The following KLHL25 variants were observed in gnomAD, a reference collection of about 807,000 sequenced individuals.
KLHL25 encodes the protein kelch-like protein 25.
A neutral mutation model predicts 30.0 loss-of-function variants in KLHL25; 41 were observed. The observed-to-expected ratio is 1.37, with a 90% CI of 1.07 to 1.78. The LOEUF (loss-of-function observed/expected upper bound fraction) is 1.78, where lower values mean the gene tolerates loss of function less well. Ranked by LOEUF, KLHL25 falls within the 40% of genes most tolerant of loss-of-function variation. The pLI, the probability that KLHL25 is intolerant of heterozygous loss-of-function variation, is 0.00. For synonymous variants in KLHL25, 399 were observed against 355.3 expected, an observed-to-expected ratio of 1.12 and a Z score of -1.38; for missense variants, 971 against 824.5, an observed-to-expected ratio of 1.18 and a Z score of -2.18.
chr15:85,761,463 T>C (rs971977101), intron 2 of KLHL25: 1 of 152,292 alleles, frequency 6.6e-6, no homozygotes, highest in Admixed American at 6.5e-5. Flanking sequence ...TGGAGCTAGG[T>C]TGCTCTTTTC....
intron 1 of KLHL25, among the ~76,000 whole-genome samples, chr15:85,776,605 T>G (rs562370560): frequency 6.6e-6 from 1 of 152,108 alleles, no homozygotes; most frequent in African/African-American, 2.4e-5. Flanking sequence ...ATTTATTTAG[T>G]TTGGTTTTGT....
At chr15:85,767,465 C>T (rs891890556) in intron 2 of KLHL25, among the ~76,000 whole-genome samples, 1 of 152,218 alleles carries the variant, frequency 6.6e-6, no homozygotes, top group African/African-American at 2.4e-5. Context: ...GTCCTGACTC[C>T]ATGGGGAGGG....
chr15:85,782,153 C>A (rs1375250580), intron 1 of KLHL25, among the ~76,000 whole-genome samples: 1 of 152,116 alleles, frequency 6.6e-6, no homozygotes, highest in African/African-American at 2.4e-5. Context: ...GTTGATAATT[C>A]TCGGTCTCTT....
rs904092334 is a variant in KLHL25, at chr15:85,774,662, A to G, written c.-10-4842T>C. ...TAACCCCTTCCCACCCGCCTCCACT[A>G]ACCAAGAGTTAGCAAGGCTCAAAAC... On this transcript the variant is annotated intron_variant, in intron 1 of 2. Transcript: ENST00000337975. Among the ~76,000 whole-genome samples, 7 of 152,026 alleles carry G rather than the reference A, an allele frequency of 4.6e-5. No homozygotes were observed. In the East Asian group the frequency reaches 1.4e-3, roughly 29 times the overall value.
intron 1 of KLHL25, among the ~76,000 whole-genome samples, chr15:85,784,669 C>T (rs944470238): frequency 3.3e-5 from 5 of 152,280 alleles, no homozygotes; most frequent in East Asian, 3.9e-4. Context: ...GACTAGAACC[C>T]GGCTGCAGCC....
chr15:85,768,189 T>G lies in KLHL25; in HGVS notation c.1622A>C (p.Tyr541Ser). The change falls in exon 2 of 3, where the codon TAT (tyrosine) becomes TCT (serine). Residue 541 changes from tyrosine (Y) to serine (S), a missense_variant. Tyr to Ser is a moderately radical substitution (Grantham distance 144). Coordinates refer to ENST00000337975, the MANE Select transcript of KLHL25 (RefSeq NM_022480.4). ...CHALASGNKL[Y>S]VVGGYFGTQR... ...GGTCCCAAAGTAGCCCCCGACCACATAGAGCTTGTTGCCGGAAGCCAGGGC... is the reference window on the plus strand; with the variant it reads ...GGTCCCAAAGTAGCCCCCGACCACAGAGAGCTTGTTGCCGGAAGCCAGGGC... 6.2e-7 allele frequency: 1 copy of G among 1,614,164 alleles called. No individual in the cohort carries two copies. The highest frequency in any genetic ancestry group is 8.5e-7 in the Non-Finnish European group (1 of 1,180,010).
intron 1 of KLHL25, among the ~76,000 whole-genome samples, chr15:85,788,371 C>T (rs11632269): frequency 0.2 from 29,936 of 152,142 alleles, 3,091 homozygotes; most frequent in Middle Eastern, 0.3. Context: ...ACCATCTTCC[C>T]ACACCTCCCT....
At chr15:85,771,077 C>T (rs1043676186) in intron 1 of KLHL25, 2 of 186,614 alleles carry the variant, frequency 1.1e-5, no homozygotes, top group African/African-American at 4.7e-5. Context: ...CACCAAGTCT[C>T]CCGATCAGGA....
chr15:85,781,228 A>T (rs1218030960), intron 1 of KLHL25, among the ~76,000 whole-genome samples: 1 of 152,158 alleles, frequency 6.6e-6, no homozygotes, highest in African/African-American at 2.4e-5. Context: ...TTTTGTACTC[A>T]GTGGCATTCC....
rs200116532 is a variant in KLHL25 at position 85,769,721 on chromosome 15, G to A, written c.90C>T (p.Asp30=). The A allele has an allele frequency of 2.8e-5, 45 of 1,613,964 alleles. No homozygotes were observed. Among genetic ancestry groups the A allele is most frequent in the Middle Eastern group, 1.6e-4 (1 of 6,062 alleles). The part of the protein sequence containing the change: ...VTLFHKASHP[D]CVLAHLNTLR... ...GCGTGTTGAGGTGGGCCAGCACACA[G>A]TCCGGGTGGGAGGCCTTGTGGAAGA... Residue 30 remains aspartate, a synonymous_variant, in exon 2 of 3, where the codon GAC becomes GAT. Coordinates refer to ENST00000337975, the MANE Select transcript of KLHL25 (RefSeq NM_022480.4).
intron 1 of KLHL25, among the ~76,000 whole-genome samples, chr15:85,773,677 T>C (rs1190531016): frequency 1.3e-5 from 2 of 152,108 alleles, no homozygotes; most frequent in African/African-American, 2.4e-5. Context: ...TGGGACTCTA[T>C]ACTAAGATGT....
Position 85,768,318 on chromosome 15 carries a change from C to T in KLHL25, c.1493G>A (p.Gly498Glu), listed in dbSNP as rs1251610135. ...AVLGSQIFIM[G>E]GDTEFTAASA... is the part of the protein sequence containing the mutation. ...GGCGGCTGTGAATTCCGTGTCACCTCCCATGATGAAGATCTGGCTGCCCAG... is the reference window on the plus strand; with the variant it reads ...GGCGGCTGTGAATTCCGTGTCACCTTCCATGATGAAGATCTGGCTGCCCAG... The change falls in exon 2 of 3, where the codon GGA (glycine) becomes GAA (glutamate). Residue 498 changes from glycine to glutamate, a missense_variant. Gly to Glu is a moderately conservative substitution (Grantham distance 98). Transcript: ENST00000337975. 3 of 1,613,976 alleles carry T rather than the reference C, an allele frequency of 1.9e-6. No homozygotes were observed. Among genetic ancestry groups the T allele is most frequent in the Middle Eastern group, 1.6e-4 (1 of 6,062 alleles).
In KLHL25 at chr15:85,783,986, G is replaced by C. The variant is rs146255143; in HGVS notation, c.-11+10780C>G. Among the ~76,000 whole-genome samples the C allele has an allele frequency of 1.4e-4, 22 of 152,314 alleles. No individual in the cohort carries two copies. The East Asian group carries it at 4.2e-3, about 29-fold the overall frequency. On this transcript the variant is annotated intron_variant, in intron 1 of 2. Coordinates refer to ENST00000337975, the MANE Select transcript of KLHL25 (RefSeq NM_022480.4). The stretch of plus-strand genomic sequence containing the variant: ...CGAGGTACCATCCTCAGAATTAAGA[G>C]AGAATACACGTAAAGAGTGTAGCAT...
Position 85,769,095 on chromosome 15 carries a change from G to A in KLHL25, c.716C>T (p.Ala239Val), listed in dbSNP as rs2089649003. ...CTGCAGGCAGTCGGACGGCAGCAAG[G>A]CCAGACGCACGCTGCGGAGGAGCTC... Reference protein sequence around the residue: ...LPELLRSVRLALLPSDCLQEA... With the variant: ...LPELLRSVRLVLLPSDCLQEA... The change falls in exon 2 of 3, where the codon GCC becomes GTC. Residue 239 changes from alanine (A) to valine (V), a missense_variant. Physicochemically the swap from Ala to Val is moderately conservative, Grantham distance 64 (BLOSUM62 0). Transcript: ENST00000337975. 2 of 1,606,904 alleles carry A rather than the reference G, an allele frequency of 1.2e-6. No individual in the cohort carries two copies. The highest frequency in any genetic ancestry group is 2.2e-5 in the South Asian group (2 of 90,888).
At position 85,789,168 on chromosome 15, in the gene KLHL25, C is replaced by T. The variant is rs1160288927; in HGVS notation, c.-11+5598G>A. On this transcript the variant is annotated intron_variant, in intron 1 of 2. Transcript: ENST00000337975. This position sits in a 1 kb window ranked among gnomAD's most constrained non-coding sequence, Gnocchi z 4.1. ...TTTTGTCTCCATCCTTTCCCTGCAT[C>T]CTACTCCTCACCACTCGGCTGATGG... Among the ~76,000 whole-genome samples, 1 of 152,188 alleles carries T rather than the reference C, an allele frequency of 6.6e-6. No homozygotes were observed. Among genetic ancestry groups the T allele is most frequent in the Non-Finnish European group, 1.5e-5 (1 of 68,040 alleles).
chr15:85,768,866 G>C lies in KLHL25; in HGVS notation c.945C>G (p.His315Gln). 1 of 1,613,364 alleles carries C rather than the reference G, an allele frequency of 6.2e-7. No homozygotes were observed. The change falls in exon 2 of 3, where the codon CAC becomes CAG. Residue 315 changes from histidine (H) to glutamine (Q), a missense_variant. His to Gln is a conservative substitution (Grantham distance 24). Coordinates refer to ENST00000337975, the MANE Select transcript of KLHL25 (RefSeq NM_022480.4). Reference protein sequence around the residue: ...FMCDKIYQVDHKAKEIIPKAD... With the variant: ...FMCDKIYQVDQKAKEIIPKAD... Reference sequence around the variant, plus strand: ...CCTTGGGGATGATCTCCTTGGCCTTGTGGTCCACCTGGTAGATCTTGTCAC... The same window carrying C: ...CCTTGGGGATGATCTCCTTGGCCTTCTGGTCCACCTGGTAGATCTTGTCAC...
intron 1 of KLHL25, among the ~76,000 whole-genome samples, chr15:85,774,241 A>C (rs2089695659): frequency 6.6e-6 from 1 of 152,114 alleles, no homozygotes; most frequent in African/African-American, 2.4e-5. Context: ...TCATGACCTA[A>C]GCGTCGTCCT....
At chr15:85,780,151 C>G (rs1456767684) in intron 1 of KLHL25, among the ~76,000 whole-genome samples, 1 of 152,142 alleles carries the variant, frequency 6.6e-6, no homozygotes, top group Non-Finnish European at 1.5e-5. Context: ...GGGGTGCTGC[C>G]CAGGCTTTCT....
intron 2 of KLHL25, chr15:85,762,188 C>T (rs779466702): frequency 5.3e-5 from 8 of 152,318 alleles, no homozygotes; most frequent in Admixed American, 1.3e-4. Flanking sequence ...GGGGCCCTAA[C>T]CATCCTGAGA....
Sources: gnomAD v4.1 joint callset for allele counts (sites outside exome capture counted in the v4.1 genomes callset) on GRCh38, gnomAD v4.1.1 for gene constraint, Gnocchi (gnomAD v3.1) non-coding constraint, MANE v1.5 for transcripts, NCBI Gene and HGNC (gene_info 2026-07-23, HGNC 2026-07-21) for gene names.